The following NLRP1 variants were observed in gnomAD, a reference collection of about 807,000 sequenced individuals.
NLRP1 encodes NACHT, LRR and PYD domains-containing protein 1.
Under a neutral mutation model 136.7 loss-of-function variants are expected in NLRP1, and 94 were observed. That is an observed-to-expected ratio of 0.69 (90% CI 0.58 to 0.82). NLRP1 has a LOEUF of 0.82. Ranked by LOEUF, NLRP1 falls within the 40% of genes least tolerant of loss-of-function variation. NLRP1 has a pLI of 0.00. For synonymous variants in NLRP1, 690 were observed against 725.1 expected (o/e 0.95, Z 0.78); for missense variants, 1,575 against 1,802.7 (o/e 0.87, Z 2.29).
At chr17:5,519,524 G>A (rs1227999406) in intron 14 of NLRP1, among the ~76,000 whole-genome samples, 2 of 149,226 alleles carry the variant, frequency 1.3e-5, no homozygotes, top group Admixed American at 6.8e-5. Context: ...TTGGCTCACT[G>A]CAACCTCTGC....
rs1911916464 is a variant in NLRP1 at position 5,541,930 on chromosome 17, C to T, written c.2626G>A (p.Val876Met). 1.2e-6 allele frequency: 2 copies of T among 1,614,170 alleles called. No individual in the cohort carries two copies. The highest frequency in any genetic ancestry group is 1.6e-4 in the Middle Eastern group (1 of 6,062). ...TLTELDLSFN[V>M]LTDAGAKHLC... ...TGTTTGGCTCCAGCATCCGTGAGCA[C>T]ATTGAAGCTCAGGTCCAGCTCGGTC... The change falls in exon 6 of 17, where the codon GTG becomes ATG. Residue 876 changes from valine to methionine, a missense_variant. Transcript: ENST00000572272. The surrounding 1 kb of genome is among the most constrained non-coding windows in gnomAD (Gnocchi z 4.2).
chr17:5,545,337 GACACACAC>G lies in NLRP1; in HGVS notation c.2529-3318_2529-3311del, dbSNP rs55788409. 4.6e-3 allele frequency among the ~76,000 whole-genome samples: 678 copies of G among 147,846 alleles called. 8 individuals carry two copies. Among genetic ancestry groups the G allele is most frequent in the Non-Finnish European group, 6.9e-3 (463 of 66,708 alleles). ...TGTCTCTCTTACACACAGACACACA[GACACACAC>G]ACACACACACACAGACACCCACACA... On this transcript the variant is annotated intron_variant, in intron 5 of 16. Coordinates refer to ENST00000572272, the MANE Select transcript of NLRP1 (RefSeq NM_033004.4).
rs200930869 is a variant in NLRP1, at chr17:5,530,442, T to C, written c.3520+39A>G. On this transcript the variant is annotated intron_variant, in intron 12 of 16. Coordinates refer to ENST00000572272, the MANE Select transcript of NLRP1 (RefSeq NM_033004.4). ...TCTACACTCCCTTTCAGGCCCATAA[T>C]TACCACCACCTTCCTCCCTATCCTT... 443 of 1,573,264 alleles carry C rather than the reference T, an allele frequency of 2.8e-4. 2 individuals are homozygous for C. Among genetic ancestry groups the C allele is most frequent in the Admixed American group, 3.7e-4 (22 of 59,902 alleles).
intron 4 of NLRP1, 22 bp downstream of exon 4, chr17:5,558,317 C>T: frequency 6.4e-7 from 1 of 1,574,150 alleles, no homozygotes; most frequent in Non-Finnish European, 8.6e-7. Context: ...GAGCTGCAGA[C>T]ATGGGTGGTT....
chr17:5,520,015 C>T (rs1048250559), intron 14 of NLRP1, among the ~76,000 whole-genome samples: 3 of 151,866 alleles, frequency 2.0e-5, no homozygotes, highest in African/African-American at 7.3e-5. Context: ...CACCACCACA[C>T]CCAGCTAATT....
rs899843199 is a variant in NLRP1, at chr17:5,583,309, G to A, written c.271+378C>T. ...TAACCCTCACACAGCCCAGGGAGGCGGGCTCTCACTCTCCCATTTTGCAGA... is the reference window on the plus strand; with the variant it reads ...TAACCCTCACACAGCCCAGGGAGGCAGGCTCTCACTCTCCCATTTTGCAGA... On this transcript the variant is annotated intron_variant, in intron 1 of 16. Transcript: ENST00000572272. The surrounding 1 kb of genome is among the most constrained non-coding windows in gnomAD (Gnocchi z 4.5). Among the ~76,000 whole-genome samples, 4 of 152,096 alleles carry A rather than the reference G, an allele frequency of 2.6e-5. No homozygotes were observed. Among genetic ancestry groups the A allele is most frequent in the African/African-American group, 7.2e-5 (3 of 41,398 alleles).
At chr17:5,578,305 C>T (rs1316892392) in intron 3 of NLRP1, among the ~76,000 whole-genome samples, 3 of 152,220 alleles carry the variant, frequency 2.0e-5, no homozygotes, top group East Asian at 3.9e-4. Flanking sequence ...AAAGAAACTA[C>T]CATCAGAGTG....
rs1914508463 is a variant in NLRP1 at position 5,559,685 on chromosome 17, T to C, written c.1011A>G (p.Gly337=). 1.9e-6 allele frequency: 3 copies of C among 1,614,058 alleles called. No individual in the cohort carries two copies. Among genetic ancestry groups the C allele is most frequent in the Non-Finnish European group, 2.5e-6 (3 of 1,180,042 alleles). Residue 337 remains glycine (G), a synonymous_variant, in exon 4 of 17, where the codon GGA becomes GGG. Transcript: ENST00000572272. ...GCCTGGCCAGTGTTGACTTCCCAAT[T>C]CCAGCAGCCCCCTGCAGTATGACTA... ...PRIVILQGAA[G]IGKSTLARQV...
chr17:5,582,962 C>T (rs1024547265), intron 1 of NLRP1, 116 bp from the exon 2 acceptor site: 12 of 748,472 alleles, frequency 1.6e-5, no homozygotes, highest in Non-Finnish European at 2.4e-5. Flanking sequence ...CCAGTGAACC[C>T]GCTGCAGCCC....
rs774196471 is a variant in NLRP1, at chr17:5,559,556, G to A, written c.1140C>T (p.Leu380=). 1.1e-5 allele frequency: 18 copies of A among 1,614,092 alleles called. No individual in the cohort carries two copies. Among genetic ancestry groups the A allele is most frequent in the Admixed American group, 8.3e-5 (5 of 60,006 alleles). The change falls in exon 4 of 17, where the codon CTC becomes CTT. Residue 380 remains leucine, a synonymous_variant. Coordinates refer to ENST00000572272, the MANE Select transcript of NLRP1 (RefSeq NM_033004.4). The stretch of plus-strand genomic sequence containing the variant: ...TCCCATCTTTTCCGATGAGCTCAGC[G>A]AGACTCACCACCTTGGACTGGGCCA... ...RELAQSKVVS[L]AELIGKDGTA... is the part of the protein sequence containing the mutation.
intron 15 of NLRP1, among the ~76,000 whole-genome samples, chr17:5,508,665 G>T (rs1251706513): frequency 6.6e-6 from 1 of 152,220 alleles, no homozygotes; most frequent in Non-Finnish European, 1.5e-5. Flanking sequence ...TATATCTACT[G>T]CAAGGAGTCA....
At chr17:5,520,170 G>C (rs1908720348) in intron 14 of NLRP1, among the ~76,000 whole-genome samples, 2 of 152,118 alleles carry the variant, frequency 1.3e-5, no homozygotes, top group African/African-American at 4.8e-5. Flanking sequence ...ATCAGGTCTT[G>C]TATTAGCTGT....
intron 2 of NLRP1, 91 bp from the exon 3 acceptor site, chr17:5,582,153 G>T: frequency 9.9e-7 from 1 of 1,005,836 alleles, no homozygotes; most frequent in Non-Finnish European, 1.5e-6. Context: ...AGTCCTGAGA[G>T]ATGGGTCTTA....
rs1471380803 is a variant in NLRP1 at position 5,541,760 on chromosome 17, C to T, written c.2699+97G>A. On this transcript the variant is annotated intron_variant, in intron 6 of 16. Transcript: ENST00000572272. This position sits in a 1 kb window ranked among gnomAD's most constrained non-coding sequence, Gnocchi z 4.2. The stretch of plus-strand genomic sequence containing the variant: ...ATCCTGTAGGCTCCTCCCACTCCCA[C>T]AAAGCAGGTCTCACCTTCTCTCTGC... 2 of 1,264,542 alleles carry T rather than the reference C, an allele frequency of 1.6e-6. No individual in the cohort carries two copies. Among genetic ancestry groups the T allele is most frequent in the East Asian group, 2.3e-5 (1 of 43,022 alleles). 78.3% of individuals were successfully genotyped at this position (1,264,542 alleles called of 1,614,324 possible).
At chr17:5,552,624 C>T (rs1465663229) in intron 5 of NLRP1, among the ~76,000 whole-genome samples, 1 of 152,262 alleles carries the variant, frequency 6.6e-6, no homozygotes, top group East Asian at 1.9e-4. Flanking sequence ...ATATCTTCCT[C>T]TTCCTTTTTT....
downstream of NLRP1, chr17:5,512,550 G>T (rs1907711222): frequency 3.6e-6 from 2 of 557,408 alleles, no homozygotes; most frequent in Admixed American, 6.1e-5. Context: ...AGGGTTGTGT[G>T]GAGAGTGGAG....
At chr17:5,501,630 G>T in exon 16 of NLRP1, 1 of 548,506 alleles carries the variant, frequency 1.8e-6, no homozygotes, top group Non-Finnish European at 3.3e-6. Context: ...TTCTCTTCTT[G>T]CTCTTCACCC....
chr17:5,569,073 G>A (rs2151815469), intron 3 of NLRP1, among the ~76,000 whole-genome samples: 2 of 152,196 alleles, frequency 1.3e-5, no homozygotes, highest in East Asian at 1.9e-4. Flanking sequence ...ACAAGCAAAT[G>A]CTAAGGGAAT....
At chr17:5,564,023 A>G (rs1198367895) in intron 3 of NLRP1, among the ~76,000 whole-genome samples, 1 of 152,012 alleles carries the variant, frequency 6.6e-6, no homozygotes, top group Non-Finnish European at 1.5e-5. Context: ...CCAGCCAATA[A>G]TTTCTTTTCT....
Sources: gnomAD v4.1 joint callset for allele counts (sites outside exome capture counted in the v4.1 genomes callset) on GRCh38, gnomAD v4.1.1 for gene constraint, Gnocchi (gnomAD v3.1) non-coding constraint, MANE v1.5 for transcripts, NCBI Gene and HGNC (gene_info 2026-07-23, HGNC 2026-07-21) for gene names.